The following ZNF677 variants were observed in gnomAD, a reference collection of about 807,000 sequenced individuals.
The protein encoded by ZNF677 is hypothetical protein MGC48625.
In ZNF677, 5 loss-of-function variants were observed where a neutral mutation model predicts 8.1. The observed-to-expected ratio is 0.62, with a 90% CI of 0.32 to 1.29. ZNF677 has a LOEUF of 1.29. ZNF677 is among the 50% of genes most tolerant of loss of function. ZNF677 has a pLI of 0.05. For missense variants in ZNF677, 685 were observed against 685.9 expected, an observed-to-expected ratio of 1.00 and a Z score of 0.01; for synonymous variants, 221 against 225.6, an observed-to-expected ratio of 0.98 and a Z score of 0.18.
Position 53,238,437 on chromosome 19 carries a change from T to C in ZNF677, c.290A>G (p.Lys97Arg). ...CTTAGGCATATTTTCCCAGACTTCC[T>C]TGAGGTCAAAATTGTTGATGCCATG... ...ESHGINNFDL[K>R]EVWENMPKFD... The change falls in exon 5 of 5, where the codon AAG becomes AGG. Residue 97 changes from lysine to arginine, a missense_variant. Lys to Arg is a conservative substitution (Grantham distance 26). Coordinates refer to ENST00000598513, the MANE Select transcript of ZNF677 (RefSeq NM_182609.4). 1 of 1,613,862 alleles carries C rather than the reference T, an allele frequency of 6.2e-7. No individual in the cohort carries two copies. The highest frequency in any genetic ancestry group is 2.2e-5 in the East Asian group (1 of 44,860).
Position 53,236,435 on chromosome 19 carries a change from GCTC to G in ZNF677, c.*534_*536del, listed in dbSNP as rs983247120. 2.0e-5 allele frequency: 3 copies of G among 152,154 alleles called. No homozygotes were observed. The highest frequency in any genetic ancestry group is 7.2e-5 in the African/African-American group (3 of 41,422). 9.4% of individuals were successfully genotyped at this position (152,154 alleles called of 1,614,324 possible). On this transcript the variant is annotated 3_prime_UTR_variant, in exon 5 of 5. Transcript: ENST00000598513. ...GTTACATCTTTCCACAGATGTCCTT[GCTC>G]CTCTGACACACACCATGAGTTTGTG...
rs776942407 is a variant in ZNF677, at chr19:53,236,941, A to G, written c.*31T>C. 2 of 1,515,406 alleles carry G rather than the reference A, an allele frequency of 1.3e-6. No individual in the cohort carries two copies. The highest frequency in any genetic ancestry group is 2.3e-5 in the East Asian group (1 of 43,840). 93.9% of individuals were successfully genotyped at this position (1,515,406 alleles called of 1,614,324 possible). On this transcript the variant is annotated 3_prime_UTR_variant, in exon 5 of 5. Coordinates refer to ENST00000598513, the MANE Select transcript of ZNF677 (RefSeq NM_182609.4). ...AGGCTTTACCACATTTTCGTTTTAT[A>G]TGGTTTCTTTTCACAATGGAGCCCC...
chr19:53,250,882 G>A (rs2091223925), intron 3 of ZNF677, among the ~76,000 whole-genome samples: 1 of 152,138 alleles, frequency 6.6e-6, no homozygotes, highest in African/African-American at 2.4e-5. Flanking sequence ...CAAATGAACA[G>A]GAGAGTCTTC....
chr19:53,240,683 G>A (rs534433318), intron 4 of ZNF677: 1 of 152,344 alleles, frequency 6.6e-6, no homozygotes, highest in South Asian at 2.1e-4. Context: ...GCCAGGTGCT[G>A]GGGGGAGGGA....
rs1270348868 is a variant in ZNF677 at position 53,236,984 on chromosome 19, T to A, written c.1743A>T (p.Ser581=). ...GGAGCCCCTGATGCTAGGTACAGCT[T>A]GAATACTTAATTTTTGTCTCATTAT... ...IKYNETKIKY[S]SCT is the part of the protein sequence containing the mutation. Residue 581 remains serine, a synonymous_variant, in exon 5 of 5, where the codon TCA becomes TCT. Coordinates refer to ENST00000598513, the MANE Select transcript of ZNF677 (RefSeq NM_182609.4). 11 of 1,560,706 alleles carry A rather than the reference T, an allele frequency of 7.0e-6. No individual in the cohort carries two copies. Among genetic ancestry groups the A allele is most frequent in the Non-Finnish European group, 8.6e-6 (10 of 1,159,690 alleles).
intron 4 of ZNF677, chr19:53,238,771 A>G (rs1355041940): frequency 7.4e-6 from 3 of 407,054 alleles, no homozygotes; most frequent in Non-Finnish European, 8.7e-6. Context: ...TTTTAAGCAC[A>G]GTTTAAAACA....
chr19:53,253,777 A>T (rs941709208), intron 1 of ZNF677, among the ~76,000 whole-genome samples: 5 of 152,172 alleles, frequency 3.3e-5, no homozygotes, highest in South Asian at 2.1e-4. Flanking sequence ...TACTTTGAAA[A>T]TTTTTTTTAA....
intron 3 of ZNF677, among the ~76,000 whole-genome samples, chr19:53,250,246 C>T (rs967646915): frequency 2.6e-5 from 4 of 152,204 alleles, no homozygotes; most frequent in Non-Finnish European, 4.4e-5. Flanking sequence ...AACACTTACA[C>T]ACCATTGGTG....
chr19:53,244,764 A>G (rs1397183302), intron 3 of ZNF677, among the ~76,000 whole-genome samples: 1 of 152,224 alleles, frequency 6.6e-6, no homozygotes, highest in African/African-American at 2.4e-5. Flanking sequence ...TAAAATTCAT[A>G]TAGAACTATA....
chr19:53,242,214 G>C, intron 4 of ZNF677: 4 of 398,100 alleles, frequency 1.0e-5, no homozygotes, highest in Non-Finnish European at 8.8e-6. Context: ...TTATAGGCGT[G>C]AGGCACCACG....
At chr19:53,252,702 ATTC>A (rs2091254132) in intron 2 of ZNF677, among the ~76,000 whole-genome samples, 1 of 152,228 alleles carries the variant, frequency 6.6e-6, no homozygotes, top group Admixed American at 6.5e-5. Flanking sequence ...TTGGAACAAA[ATTC>A]CACACCAATC....
chr19:53,252,319 GA>G lies in ZNF677; in HGVS notation c.-55-715del, dbSNP rs2091247717. 5.3e-5 allele frequency among the ~76,000 whole-genome samples: 8 copies of G among 152,244 alleles called. No homozygotes were observed. In the South Asian group the frequency reaches 1.7e-3, roughly 32 times the overall value. On this transcript the variant is annotated intron_variant, in intron 2 of 4. Transcript: ENST00000598513. The stretch of plus-strand genomic sequence containing the variant: ...CAGGGATCCCATCGGCTCAGATTCA[GA>G]ATTTCTGGTATACCCATCATCTCCA...
intron 2 of ZNF677, 148 bp downstream of exon 2, chr19:53,252,938 T>C (rs1013229401): frequency 1.3e-5 from 2 of 152,268 alleles, no homozygotes; most frequent in Admixed American, 6.5e-5. Flanking sequence ...TAACCCATTG[T>C]TGACCAGAAG....
In ZNF677 at chr19:53,237,068, G is replaced by A. The variant is rs771712402; in HGVS notation, c.1659C>T (p.Phe553=). The change falls in exon 5 of 5, where the codon TTC becomes TTT. Residue 553 remains phenylalanine (F), a synonymous_variant. Coordinates refer to ENST00000598513, the MANE Select transcript of ZNF677 (RefSeq NM_182609.4). The part of the protein sequence containing the change: ...CKHNIHGNAL[F]QSSNLGDHQK... ...GATGATCTCCAAGGTTTGAACTTTG[G>A]AATAAAGCATTACCATGTATATTAT... 1.1e-5 allele frequency: 18 copies of A among 1,612,696 alleles called. No homozygotes were observed. The highest frequency in any genetic ancestry group is 1.4e-5 in the Non-Finnish European group (17 of 1,179,602).
At position 53,252,739 on chromosome 19, in the gene ZNF677, A is replaced by T. The variant is rs1173740941; in HGVS notation, c.-56+347T>A. On this transcript the variant is annotated intron_variant, in intron 2 of 4. Coordinates refer to ENST00000598513, the MANE Select transcript of ZNF677 (RefSeq NM_182609.4). ...TCCAGGCCATTCTTCAACATCTTGC[A>T]GAGAAAGGACAAAGGGGACCTGGAG... Among the ~76,000 whole-genome samples, 6 of 152,192 alleles carry T rather than the reference A, an allele frequency of 3.9e-5. No homozygotes were observed. The East Asian group carries it at 1.2e-3, about 29-fold the overall frequency.
Position 53,236,990 on chromosome 19 carries a change from C to T in ZNF677, c.1737G>A (p.Lys579=), listed in dbSNP as rs2090977341. 1 of 1,564,948 alleles carries T rather than the reference C, an allele frequency of 6.4e-7. No individual in the cohort carries two copies. The highest frequency in any genetic ancestry group is 8.6e-7 in the Non-Finnish European group (1 of 1,161,442). ...CCTGATGCTAGGTACAGCTTGAATA[C>T]TTAATTTTTGTCTCATTATATTTGA... ...KHIKYNETKI[K]YSSCT is the part of the protein sequence containing the mutation. The change falls in exon 5 of 5, where the codon AAG becomes AAA. Residue 579 remains lysine, a synonymous_variant. Transcript: ENST00000598513.
intron 1 of ZNF677, among the ~76,000 whole-genome samples, chr19:53,254,400 T>C (rs186342542): frequency 6.6e-6 from 1 of 152,302 alleles, no homozygotes; most frequent in East Asian, 1.9e-4. Context: ...GTCCCTGCTA[T>C]TGTTTCTGAT....
At chr19:53,252,415 G>A (rs1257970627) in intron 2 of ZNF677, among the ~76,000 whole-genome samples, 1 of 152,208 alleles carries the variant, frequency 6.6e-6, no homozygotes, top group Non-Finnish European at 1.5e-5. Context: ...AAAGGTCTGA[G>A]TTGAGTGAGC....
rs754158475 is a variant in ZNF677, at chr19:53,237,518, G to A, written c.1209C>T (p.Tyr403=). The change falls in exon 5 of 5, where the codon TAC becomes TAT. Residue 403 remains tyrosine (Y), a synonymous_variant. Transcript: ENST00000598513. ...HKRIHTGEKP[Y]ICNECGKAFK... Reference sequence around the variant, plus strand: ...AAGCTTTGCCACACTCATTACATATGTAAGGCTTCTCTCCAGTATGGATTC... The same window carrying A: ...AAGCTTTGCCACACTCATTACATATATAAGGCTTCTCTCCAGTATGGATTC... 6.2e-7 allele frequency: 1 copy of A among 1,613,890 alleles called. No individual in the cohort carries two copies. Among genetic ancestry groups the A allele is most frequent in the Admixed American group, 1.7e-5 (1 of 59,998 alleles).
Sources: allele counts gnomAD v4.1 joint callset (sites outside exome capture counted in the v4.1 genomes callset), GRCh38; gene constraint gnomAD v4.1.1; transcripts MANE v1.5; gene names NCBI Gene and HGNC (gene_info 2026-07-23, HGNC 2026-07-21).